The following TNRC6B variants were observed in gnomAD, a reference collection of about 807,000 sequenced individuals.
The protein encoded by TNRC6B is trinucleotide repeat-containing gene 6B protein.
In TNRC6B, 52 loss-of-function variants were observed where a neutral mutation model predicts 203.6. The ratio of observed to expected loss-of-function variants is 0.26; its 90% CI spans 0.20 to 0.32. The LOEUF (loss-of-function observed/expected upper bound fraction) is 0.32, where lower values mean the gene tolerates loss of function less well. Among genes scored for constraint, TNRC6B ranks in the 10% least tolerant of loss-of-function variants. TNRC6B has a pLI of 1.00. For missense variants in TNRC6B, 1,923 were observed against 2,286.2 expected (o/e 0.84, Z 3.24); for synonymous variants, 838 against 845.7 (o/e 0.99, Z 0.16).
intron 1 of TNRC6B, among the ~76,000 whole-genome samples, chr22:40,047,616 A>G (rs1214537252): frequency 1.3e-5 from 2 of 152,232 alleles, no homozygotes; most frequent in Admixed American, 6.5e-5. Flanking sequence ...AGAAAAAAAA[A>G]AAGTTTACAT....
rs570795197 is a variant in TNRC6B at position 40,178,098 on chromosome 22, A to T, written c.-38A>T. On this transcript the variant is annotated 5_prime_UTR_variant, in exon 1 of 23. It removes an upstream start codon present in the reference 5' UTR. Transcript: ENST00000454349. ...TTTTTCATTTCCATTTCTACCTTGT[A>T]TGCCTCAATTTGCTGGATTTAAGCA... 6.2e-7 allele frequency: 1 copy of T among 1,610,782 alleles called. No individual in the cohort carries two copies. The highest frequency in any genetic ancestry group is 8.5e-7 in the Non-Finnish European group (1 of 1,178,966).
intron 1 of TNRC6B, among the ~76,000 whole-genome samples, chr22:40,184,784 C>T (rs560375114): frequency 6.6e-6 from 1 of 152,204 alleles, no homozygotes; most frequent in African/African-American, 2.4e-5. Context: ...TGTAAAATAA[C>T]ACCTGTGTCT....
At chr22:40,143,257 C>T (rs924326780) in intron 3 of TNRC6B, among the ~76,000 whole-genome samples, 1 of 152,030 alleles carries the variant, frequency 6.6e-6, no homozygotes. Context: ...TGGCAAGACC[C>T]CGACTCTACA....
intron 4 of TNRC6B, among the ~76,000 whole-genome samples, chr22:40,158,182 A>G (rs559350125): frequency 1.3e-5 from 2 of 152,166 alleles, no homozygotes; most frequent in South Asian, 4.1e-4. Flanking sequence ...TAGTAAAAAA[A>G]TACAAAATTA....
intron 22 of TNRC6B, 41 bp downstream of exon 22, chr22:40,321,270 G>A: frequency 6.2e-7 from 1 of 1,602,354 alleles, no homozygotes. Context: ...AAACATGCAT[G>A]AAGATGCACC....
intron 1 of TNRC6B, among the ~76,000 whole-genome samples, chr22:40,072,970 A>AGGCT (rs2067965851): frequency 6.7e-6 from 1 of 150,006 alleles, no homozygotes; most frequent in Non-Finnish European, 1.5e-5. Flanking sequence ...TGTCATAATG[A>AGGCT]GGCTATAAGA....
intron 1 of TNRC6B, among the ~76,000 whole-genome samples, chr22:40,186,339 A>T (rs1010831659): frequency 2.0e-5 from 3 of 151,978 alleles, no homozygotes; most frequent in African/African-American, 7.3e-5. Flanking sequence ...TGGTGTTGGG[A>T]GGTGTTCCAG....
intron 1 of TNRC6B, among the ~76,000 whole-genome samples, chr22:40,063,116 G>A (rs1283997354): frequency 6.6e-6 from 1 of 152,092 alleles, no homozygotes; most frequent in African/African-American, 2.4e-5. Flanking sequence ...TGTAGGGGAG[G>A]AGTCCAACTT....
intron 1 of TNRC6B, among the ~76,000 whole-genome samples, chr22:40,222,726 CTCTTTTTTTTTTT>C (rs2069727777): frequency 1.3e-5 from 1 of 79,130 alleles, no homozygotes; most frequent in South Asian, 5.0e-4. Flanking sequence ...CTCTCTCTCT[CTCTTTTTTTTTTT>C]TTTTTTTTTT....
At chr22:40,218,031 A>G (rs1386717460) in intron 1 of TNRC6B, among the ~76,000 whole-genome samples, 1 of 151,568 alleles carries the variant, frequency 6.6e-6, no homozygotes, top group African/African-American at 2.4e-5. Flanking sequence ...TAACTGCTTT[A>G]AAGAGGACAA....
chr22:40,218,517 A>G (rs996847740), intron 1 of TNRC6B, among the ~76,000 whole-genome samples: 2 of 151,530 alleles, frequency 1.3e-5, no homozygotes, highest in Non-Finnish European at 2.9e-5. Flanking sequence ...TTATAGAGAC[A>G]TGGTTTCGTC....
chr22:40,178,280 G>T (rs2069089110), intron 1 of TNRC6B, 140 bp downstream of exon 1: 1 of 912,278 alleles, frequency 1.1e-6, no homozygotes, highest in Non-Finnish European at 1.7e-6. Flanking sequence ...GTGTAAATCA[G>T]ACCCGTGATG....
chr22:40,258,415 G>GT lies in TNRC6B; in HGVS notation c.116-3416dup, dbSNP rs1200076081. On this transcript the variant is annotated intron_variant, in intron 3 of 22. Transcript: ENST00000454349. Reference sequence around the variant, plus strand: ...GATCAGACATCCTGCCTGAAAAGCTGTGTTGCTCTCCAATTAGTGCCGGCA... The same window carrying GT: ...GATCAGACATCCTGCCTGAAAAGCTGTTGTTGCTCTCCAATTAGTGCCGGCA... 3.3e-5 allele frequency among the ~76,000 whole-genome samples: 5 copies of GT among 152,184 alleles called. No homozygotes were observed. In the East Asian group the frequency reaches 9.7e-4, roughly 29 times the overall value.
chr22:40,052,840 T>G (rs60416486), intron 1 of TNRC6B, among the ~76,000 whole-genome samples: 6,727 of 152,238 alleles, frequency 0.044, 439 homozygotes, highest in African/African-American at 0.15. Flanking sequence ...TTCTGACCAG[T>G]TGTGTAGTAG....
In TNRC6B at chr22:40,329,231, T is replaced by G. The variant is rs897382975; in HGVS notation, c.*5990T>G. On this transcript the variant is annotated 3_prime_UTR_variant, in exon 23 of 23. Transcript: ENST00000454349. ...TGCGCACTACATTTACTTCTTTATCTGCAAGTACAGGGAGTCCATACAGTC... is the reference window on the plus strand; with the variant it reads ...TGCGCACTACATTTACTTCTTTATCGGCAAGTACAGGGAGTCCATACAGTC... 2 of 152,184 alleles carry G rather than the reference T, an allele frequency of 1.3e-5. No homozygotes were observed. Among genetic ancestry groups the G allele is most frequent in the African/African-American group, 4.8e-5 (2 of 41,454 alleles). The allele number at this position is 152,184 out of a possible 1,614,324, so 9.4% of individuals were successfully genotyped here.
At chr22:40,137,689 A>G (rs972215742) in intron 3 of TNRC6B, among the ~76,000 whole-genome samples, 31 of 152,172 alleles carry the variant, frequency 2.0e-4, no homozygotes, top group African/African-American at 7.2e-4. Context: ...TGCATATTTT[A>G]GAAAGATGGA....
At chr22:40,066,605 T>G (rs1396479295) in intron 1 of TNRC6B, among the ~76,000 whole-genome samples, 1 of 152,110 alleles carries the variant, frequency 6.6e-6, no homozygotes, top group Non-Finnish European at 1.5e-5. Flanking sequence ...TAAACTAGTT[T>G]GGAAACAAAA....
intron 12 of TNRC6B, among the ~76,000 whole-genome samples, chr22:40,293,190 CTTTTTTTTTTTTTT>C (rs748230080): frequency 2.5e-5 from 2 of 79,454 alleles, no homozygotes; most frequent in African/African-American, 9.6e-5. Context: ...ATATCCTTTT[CTTTTTTTTTTTTTT>C]TTTTTTTTTG....
At chr22:40,142,958 G>A (rs902932073) in intron 3 of TNRC6B, among the ~76,000 whole-genome samples, 2 of 152,170 alleles carry the variant, frequency 1.3e-5, no homozygotes, top group Admixed American at 6.5e-5. Flanking sequence ...TAACTGTGGG[G>A]GCTAAAACGT....
Sources: gnomAD v4.1 joint callset for allele counts (sites outside exome capture counted in the v4.1 genomes callset) on GRCh38, gnomAD v4.1.1 for gene constraint, MANE v1.5 for transcripts, NCBI Gene and HGNC (gene_info 2026-07-23, HGNC 2026-07-21) for gene names.